The following ZNF469 variants were observed in gnomAD, a reference collection of about 807,000 sequenced individuals.
ZNF469 encodes the protein zinc finger protein 469.
Under a neutral mutation model 1.0 loss-of-function variants are expected in ZNF469, and 1 was observed. That is an observed-to-expected ratio of 1.00 (90% CI 0.35 to 4.73). ZNF469 has a LOEUF of 4.73. Among genes scored for constraint, ZNF469 ranks in the 30% most tolerant of loss-of-function variants. The pLI is 0.16. For missense variants in ZNF469, 6,100 were observed against 5,356.3 expected (o/e 1.14, Z -4.33); for synonymous variants, 2,703 against 2,363.4 (o/e 1.14, Z -4.17).
chr16:88,238,133 C>G, the ZNF469 span, among the ~76,000 whole-genome samples: 2 of 152,252 alleles, frequency 1.3e-5, no homozygotes, highest in African/African-American at 2.4e-5. Flanking sequence ...TCACCTGTTT[C>G]TCTGTGCTCC....
At chr16:88,233,618 G>A in the ZNF469 span, among the ~76,000 whole-genome samples, 1 of 152,230 alleles carries the variant, frequency 6.6e-6, no homozygotes, top group Non-Finnish European at 1.5e-5. Context: ...TTAGGCTTAG[G>A]GCCGCCTGGG....
chr16:88,124,979 AT>A, the ZNF469 span, among the ~76,000 whole-genome samples: 1 of 152,116 alleles, frequency 6.6e-6, no homozygotes, highest in African/African-American at 2.4e-5. Context: ...GTCATGAATA[AT>A]TTTTCCTATG....
At chr16:88,144,030 C>T in the ZNF469 span, among the ~76,000 whole-genome samples, 2 of 147,706 alleles carry the variant, frequency 1.4e-5, no homozygotes, top group African/African-American at 5.2e-5. Context: ...GGGGAAACGG[C>T]GCAGGGTCAG....
the ZNF469 span, among the ~76,000 whole-genome samples, chr16:88,218,335 G>C: frequency 4.0e-5 from 6 of 150,020 alleles, no homozygotes; most frequent in African/African-American, 1.2e-4. Flanking sequence ...GTAGATTCTG[G>C]ATATTAGCCC....
chr16:88,234,133 G>C, the ZNF469 span, among the ~76,000 whole-genome samples: 97 of 152,326 alleles, frequency 6.4e-4, no homozygotes, highest in African/African-American at 1.9e-3. Flanking sequence ...TACAAAAGCC[G>C]CTGGGTCTCA....
the ZNF469 span, among the ~76,000 whole-genome samples, chr16:88,308,077 T>A: frequency 6.6e-6 from 1 of 152,230 alleles, no homozygotes; most frequent in Non-Finnish European, 1.5e-5. Context: ...CCCAATACCA[T>A]CTGTTGCAAA....
At chr16:88,146,849 C>T in the ZNF469 span, among the ~76,000 whole-genome samples, 66 of 152,098 alleles carry the variant, frequency 4.3e-4, no homozygotes, top group African/African-American at 1.1e-3. Flanking sequence ...ACGTGACCAA[C>T]GGGTGGACTA....
At chr16:88,217,710 C>A in the ZNF469 span, among the ~76,000 whole-genome samples, 6 of 110,986 alleles carry the variant, frequency 5.4e-5, no homozygotes, top group Admixed American at 4.0e-4. Flanking sequence ...TTTGTTCTTG[C>A]GATAGTTTAC....
chr16:88,433,350 G>T lies in ZNF469; in HGVS notation c.5880G>T (p.Gly1960=). 6.5e-7 allele frequency: 1 copy of T among 1,550,306 alleles called. No individual in the cohort carries two copies. The highest frequency in any genetic ancestry group is 1.4e-5 in the African/African-American group (1 of 73,174). ...VACGPAQGSP[G]GVQVTTLPAV... ...GTGGCCCCGCCCAGGGCTCCCCAGG[G>T]GGTGTGCAGGTGACAACTCTCCCTG... Residue 1960 remains glycine, a synonymous_variant, in exon 3 of 3, where the codon GGG becomes GGT. Transcript: ENST00000565624.
chr16:88,267,714 G>T, the ZNF469 span, among the ~76,000 whole-genome samples: 2 of 150,084 alleles, frequency 1.3e-5, no homozygotes, highest in African/African-American at 5.0e-5. Context: ...ACCTGTTGGG[G>T]GATTGACTTA....
At chr16:88,219,213 A>T in the ZNF469 span, among the ~76,000 whole-genome samples, 3 of 150,046 alleles carry the variant, frequency 2.0e-5, no homozygotes. Context: ...TTACAGATTC[A>T]ATGCCATCCC....
chr16:88,436,984 G>T lies in ZNF469; in HGVS notation c.9514G>T (p.Ala3172Ser). Reference protein sequence around the residue: ...HLQERHAQSKAGPWACGMCLK... With the variant: ...HLQERHAQSKSGPWACGMCLK... Reference sequence around the variant, plus strand: ...GCAGGAGAGGCACGCGCAGAGCAAGGCCGGGCCCTGGGCGTGCGGCATGTG... The same window carrying T: ...GCAGGAGAGGCACGCGCAGAGCAAGTCCGGGCCCTGGGCGTGCGGCATGTG... Residue 3172 changes from alanine (A) to serine (S), a missense_variant, in exon 3 of 3, where the codon GCC becomes TCC. Coordinates refer to ENST00000565624, the MANE Select transcript of ZNF469 (RefSeq NM_001367624.2). The T allele has an allele frequency of 2.6e-6, 4 of 1,515,316 alleles. No individual in the cohort carries two copies. Among genetic ancestry groups the T allele is most frequent in the South Asian group, 1.2e-5 (1 of 81,076 alleles). The allele number at this position is 1,515,316 out of a possible 1,614,324, so 93.9% of individuals were successfully genotyped here.
chr16:88,202,901 G>A, the ZNF469 span, among the ~76,000 whole-genome samples: 648 of 152,304 alleles, frequency 4.3e-3, 5 homozygotes, highest in African/African-American at 0.015. Context: ...CTTGAGGGCT[G>A]GAGGTGAGGG....
chr16:88,313,762 G>A, the ZNF469 span, among the ~76,000 whole-genome samples: 1 of 151,670 alleles, frequency 6.6e-6, no homozygotes, highest in African/African-American at 2.4e-5. Context: ...GTGCTGCTGT[G>A]GACTGTCATC....
chr16:88,380,206 C>T (rs2092517372), upstream of ZNF469, among the ~76,000 whole-genome samples: 1 of 151,620 alleles, frequency 6.6e-6, no homozygotes, highest in Non-Finnish European at 1.5e-5. Flanking sequence ...CAGACATGCA[C>T]TCACACACAA....
the ZNF469 span, among the ~76,000 whole-genome samples, chr16:88,376,751 C>T: frequency 5.3e-5 from 8 of 152,334 alleles, no homozygotes; most frequent in South Asian, 2.1e-4. Context: ...CGGGGTGTCC[C>T]GGCCACACGG....
the ZNF469 span, among the ~76,000 whole-genome samples, chr16:88,299,596 C>T: frequency 8.5e-5 from 13 of 152,134 alleles, no homozygotes; most frequent in African/African-American, 7.2e-5. Context: ...CTTTGCCGTG[C>T]GGTGTGGGCG....
intron 1 of ZNF469, among the ~76,000 whole-genome samples, chr16:88,398,559 A>G (rs1182091624): frequency 4.8e-5 from 4 of 82,840 alleles, no homozygotes; most frequent in African/African-American, 2.8e-4. Flanking sequence ...GATGAAGAGA[A>G]TGCGCGAGCC....
the ZNF469 span, among the ~76,000 whole-genome samples, chr16:88,372,507 G>A: frequency 7.5e-5 from 9 of 119,564 alleles, no homozygotes; most frequent in Admixed American, 3.3e-4. Context: ...CCATCACCAT[G>A]ATCACCATCA....
Sources: allele counts gnomAD v4.1 joint callset (sites outside exome capture counted in the v4.1 genomes callset), GRCh38; gene constraint gnomAD v4.1.1; transcripts MANE v1.5; gene names NCBI Gene and HGNC (gene_info 2026-07-23, HGNC 2026-07-21).